RGS12: variants seen among roughly 807,000 people sequenced by gnomAD.
RGS12 encodes the protein regulator of G protein signaling 12, also known as regulator of G-protein signaling 12.
RGS12 carries 66 observed loss-of-function variants against 120.1 expected under a neutral mutation model. The observed-to-expected ratio is 0.55, with a 90% CI of 0.45 to 0.67. The LOEUF (loss-of-function observed/expected upper bound fraction) is 0.67. Ranked by LOEUF, RGS12 falls within the 30% of genes least tolerant of loss-of-function variation. RGS12 has a pLI of 0.00. For synonymous variants in RGS12, 827 were observed against 804.7 expected (o/e 1.03, Z -0.47); for missense variants, 1,859 against 1,957.7 (o/e 0.95, Z 0.95).
At chr4:3,375,860 T>G (rs1186244546) in intron 3 of RGS12, among the ~76,000 whole-genome samples, 1 of 152,254 alleles carries the variant, frequency 6.6e-6, no homozygotes, top group Admixed American at 6.5e-5. Context: ...TACACTCATC[T>G]TTCCTTGCGG....
intron 1 of RGS12, among the ~76,000 whole-genome samples, chr4:3,304,744 C>T (rs1199191980): frequency 6.6e-6 from 1 of 152,204 alleles, no homozygotes; most frequent in African/African-American, 2.4e-5. Flanking sequence ...TTGAAACTAC[C>T]TGCTTTACAT....
intron 4 of RGS12, among the ~76,000 whole-genome samples, chr4:3,395,014 C>CA (rs111672832): frequency 3.0e-4 from 43 of 145,466 alleles, no homozygotes; most frequent in East Asian, 2.6e-3. Flanking sequence ...ACCAAAAATA[C>CA]AAAAAAACAA....
intron 1 of RGS12, among the ~76,000 whole-genome samples, chr4:3,311,302 C>G (rs1724387859): frequency 6.6e-6 from 1 of 152,222 alleles, no homozygotes; most frequent in African/African-American, 2.4e-5. Context: ...GGACCCATCT[C>G]TGTACCTGCA....
In RGS12 at chr4:3,360,727, A is replaced by AT. The variant is rs538869028; in HGVS notation, c.1998+17676dup. 1.3e-5 allele frequency among the ~76,000 whole-genome samples: 2 copies of AT among 152,216 alleles called. 1 individual carries two copies. The highest frequency in any genetic ancestry group is 4.1e-4 in the South Asian group (2 of 4,832). The stretch of plus-strand genomic sequence containing the variant: ...GACTGATGATTTTGATTAAATGAAT[A>AT]TTAGGAACTTGCACTCATCAAAACA... On this transcript the variant is annotated intron_variant, in intron 3 of 17. Transcript: ENST00000336727.
intron 3 of RGS12, among the ~76,000 whole-genome samples, chr4:3,343,931 CT>C (rs1281608462): frequency 6.6e-6 from 1 of 152,218 alleles, no homozygotes; most frequent in African/African-American, 2.4e-5. Context: ...AGTCCTTTTA[CT>C]TGTTGTATGG....
At chr4:3,300,403 C>T (rs559105259) in intron 1 of RGS12, among the ~76,000 whole-genome samples, 2 of 152,242 alleles carry the variant, frequency 1.3e-5, no homozygotes, top group South Asian at 4.1e-4. Flanking sequence ...AGAGGGACAG[C>T]TCTGTGGATT....
At chr4:3,347,343 G>T (rs1305308804) in intron 3 of RGS12, among the ~76,000 whole-genome samples, 3 of 151,992 alleles carry the variant, frequency 2.0e-5, no homozygotes, top group Non-Finnish European at 4.4e-5. Context: ...ACTCGGGAGG[G>T]TGAGGCCGGA....
intron 2 of RGS12, among the ~76,000 whole-genome samples, chr4:3,336,668 G>A (rs1313207965): frequency 6.6e-6 from 1 of 152,156 alleles, no homozygotes; most frequent in Non-Finnish European, 1.5e-5. Flanking sequence ...GAATTGGTTA[G>A]GAATTTTTAG....
rs1352367601 is a variant in RGS12, at chr4:3,372,612, C to T, written c.1999-13804C>T. Among the ~76,000 whole-genome samples the T allele has an allele frequency of 6.6e-6, 1 of 152,234 alleles. No individual in the cohort carries two copies. Among genetic ancestry groups the T allele is most frequent in the Non-Finnish European group, 1.5e-5 (1 of 68,036 alleles). On this transcript the variant is annotated intron_variant, in intron 3 of 17. Coordinates refer to ENST00000336727, the MANE Select transcript of RGS12 (RefSeq NM_001394154.1). This position sits in a 1 kb window ranked among gnomAD's most constrained non-coding sequence, Gnocchi z 4.3. ...CCCTGTGTGGCCGGCATGGAGGTGG[C>T]GGCGGCCATCAGGGTGTGGTTTTGT...
At chr4:3,286,493 T>C in the RGS12 span, among the ~76,000 whole-genome samples, 40,346 of 152,158 alleles carry the variant, frequency 0.27, 6,175 homozygotes, top group East Asian at 0.44. Flanking sequence ...TCCATTACCC[T>C]AACCCTGAGA....
chr4:3,303,910 T>G (rs1442270305), intron 1 of RGS12, among the ~76,000 whole-genome samples: 1 of 152,222 alleles, frequency 6.6e-6, no homozygotes, highest in Admixed American at 6.5e-5. Context: ...CTTCTTTACC[T>G]CTTATTTCTT....
chr4:3,338,655 G>T (rs1578761952), intron 2 of RGS12, among the ~76,000 whole-genome samples: 1 of 150,848 alleles, frequency 6.6e-6, no homozygotes, highest in African/African-American at 2.5e-5. Context: ...TGGCGGGCGG[G>T]CGGTGTCTGC....
chr4:3,438,532 C>A (rs1244857953), intron 17 of RGS12, among the ~76,000 whole-genome samples: 1 of 152,184 alleles, frequency 6.6e-6, no homozygotes, highest in East Asian at 1.9e-4. Flanking sequence ...GGCACATGAA[C>A]CCAGCCATTC....
At chr4:3,338,137 G>A (rs749396400) in intron 2 of RGS12, among the ~76,000 whole-genome samples, 1 of 152,114 alleles carries the variant, frequency 6.6e-6, no homozygotes, top group Non-Finnish European at 1.5e-5. Flanking sequence ...CTCAGCTCAC[G>A]GCAACCTCTG....
intron 3 of RGS12, among the ~76,000 whole-genome samples, chr4:3,362,093 G>C (rs1355708781): frequency 1.3e-5 from 2 of 152,210 alleles, no homozygotes; most frequent in East Asian, 3.9e-4. Context: ...GATGGAGCTG[G>C]GCTGGTGCAC....
chr4:3,324,819 A>G (rs919926030), intron 2 of RGS12: 1 of 152,188 alleles, frequency 6.6e-6, no homozygotes, highest in African/African-American at 2.4e-5. Flanking sequence ...CTGGAGTTTT[A>G]TCAGTGTTTT....
At position 3,365,405 on chromosome 4, in the gene RGS12, G is replaced by A. The variant is rs1486272459; in HGVS notation, c.1999-21011G>A. 6.6e-6 allele frequency among the ~76,000 whole-genome samples: 1 copy of A among 152,068 alleles called. No individual in the cohort carries two copies. Among genetic ancestry groups the A allele is most frequent in the Non-Finnish European group, 1.5e-5 (1 of 67,996 alleles). ...GGGAGGGAGGACAGGTCTTGAGGGAGGGAGGAGGGAGGGAGGTGGCAGGAG... is the reference window on the plus strand; with the variant it reads ...GGGAGGGAGGACAGGTCTTGAGGGAAGGAGGAGGGAGGGAGGTGGCAGGAG... On this transcript the variant is annotated intron_variant, in intron 3 of 17. Coordinates refer to ENST00000336727, the MANE Select transcript of RGS12 (RefSeq NM_001394154.1). The surrounding 1 kb of genome is among the most constrained non-coding windows in gnomAD (Gnocchi z 4.0).
At chr4:3,310,918 G>A (rs1387916020) in intron 1 of RGS12, among the ~76,000 whole-genome samples, 2 of 152,204 alleles carry the variant, frequency 1.3e-5, no homozygotes, top group Non-Finnish European at 2.9e-5. Context: ...CACCTTTGCC[G>A]TTAATTGGCT....
rs138197161 is a variant in RGS12, at chr4:3,428,139, A to G, written c.3381A>G (p.Val1127=). ...TGCCAGTGAAACAGAACACAGCTGT[A>G]AATTCCAGCTCCAGAAACCACTCGG... ...KGVPVKQNTA[V]NSSSRNHSAT... Residue 1127 remains valine, a synonymous_variant, in exon 15 of 18, where the codon GTA becomes GTG. Coordinates refer to ENST00000336727, the MANE Select transcript of RGS12 (RefSeq NM_001394154.1). 5.9e-4 allele frequency: 950 copies of G among 1,613,598 alleles called. 1 individual carries two copies. The highest frequency in any genetic ancestry group is 7.2e-4 in the Non-Finnish European group (844 of 1,179,834).
Sources: gnomAD v4.1 joint callset for allele counts (sites outside exome capture counted in the v4.1 genomes callset) on GRCh38, gnomAD v4.1.1 for gene constraint, Gnocchi (gnomAD v3.1) non-coding constraint, MANE v1.5 for transcripts, NCBI Gene and HGNC (gene_info 2026-07-23, HGNC 2026-07-21) for gene names.